The following CCR3 variants were observed in gnomAD, a reference collection of about 807,000 sequenced individuals.
CCR3 encodes C-C motif chemokine receptor 3, also known as C-C chemokine receptor type 3.
For synonymous variants in CCR3, 203 were observed against 179.2 expected (o/e 1.13, Z -1.06); for missense variants, 419 against 437.5 (o/e 0.96, Z 0.38).
intron 1 of CCR3, 74 bp from the exon 2 acceptor site, chr3:46,265,074 T>C (rs1700591498): frequency 1.0e-6 from 1 of 961,358 alleles, no homozygotes; most frequent in African/African-American, 1.6e-5. Flanking sequence ...AGTACATGAA[T>C]AAATCAACTG....
chr3:46,234,976 T>C (rs1344118438), intron 2 of CCR3, among the ~76,000 whole-genome samples: 1 of 152,194 alleles, frequency 6.6e-6, no homozygotes, highest in Admixed American at 6.5e-5. Flanking sequence ...ACTCCCTTTC[T>C]CCTGAAGGGA....
At position 46,265,695 on chromosome 3, in the gene CCR3, A is replaced by G; in HGVS notation, c.537A>G (p.Glu179=). The part of the protein sequence containing the change: ...FIFYETEELF[E]ETLCSALYPE... ...TCTATGAGACTGAAGAGTTGTTTGA[A>G]GAGACTCTTTGCAGTGCTCTTTACC... Residue 179 remains glutamate (E), a synonymous_variant, in exon 2 of 2, where the codon GAA becomes GAG. Transcript: ENST00000395940. The G allele has an allele frequency of 6.2e-7, 1 of 1,614,062 alleles. No homozygotes were observed. The highest frequency in any genetic ancestry group is 8.5e-7 in the Non-Finnish European group (1 of 1,180,006).
At position 46,230,276 on chromosome 3, in the gene CCR3, T is replaced by C. The variant is rs182078472; in HGVS notation, c.-67-12126T>C. Among the ~76,000 whole-genome samples the C allele has an allele frequency of 1.1e-3, 173 of 152,284 alleles. No individual in the cohort carries two copies. In the Middle Eastern group the frequency reaches 0.017, roughly 15 times the overall value. On this transcript the variant is annotated intron_variant, in intron 2 of 3. Coordinates refer to the CCR3 transcript ENST00000357422. ...GCAAGTTTTCTTCAGATTTTCTTTA[T>C]TAAAGAGAAGTGTAGAATTAAAGCA... is the stretch of plus-strand genomic sequence containing the variant.
chr3:46,262,360 G>C, intron 1 of CCR3, among the ~76,000 whole-genome samples: 1 of 152,188 alleles, frequency 6.6e-6, no homozygotes, highest in Admixed American at 6.5e-5. Context: ...AATTTTAGTT[G>C]ACCTCACTTT....
At chr3:46,252,153 T>A (rs1226242126) in intron 1 of CCR3, among the ~76,000 whole-genome samples, 1 of 149,974 alleles carries the variant, frequency 6.7e-6, no homozygotes, top group African/African-American at 2.4e-5. Flanking sequence ...TCAATAGCCA[T>A]GAGGCTAGTT....
At chr3:46,262,798 G>A (rs149808505) in intron 1 of CCR3, among the ~76,000 whole-genome samples, 13 of 152,252 alleles carry the variant, frequency 8.5e-5, no homozygotes, top group African/African-American at 1.4e-4. Context: ...GGGACCACAC[G>A]TATGCGCCAC....
chr3:46,233,917 G>A (rs1487649378), intron 2 of CCR3, among the ~76,000 whole-genome samples: 2 of 152,238 alleles, frequency 1.3e-5, no homozygotes, highest in African/African-American at 2.4e-5. Context: ...CTTTTGCCAA[G>A]TCCCTCATTG....
At chr3:46,241,898 C>T (rs886635728), upstream of CCR3, among the ~76,000 whole-genome samples, 3 of 151,968 alleles carry the variant, frequency 2.0e-5, no homozygotes, top group Non-Finnish European at 4.4e-5. Context: ...TTTAGGAGGC[C>T]GAGACTCGCA....
chr3:46,264,998 T>C, intron 1 of CCR3, 150 bp from the exon 2 acceptor site: 1 of 618,442 alleles, frequency 1.6e-6, no homozygotes, highest in Non-Finnish European at 2.9e-6. Flanking sequence ...CTGGCACCTC[T>C]GATATGCCTT....
chr3:46,262,834 T>C (rs187566123), intron 1 of CCR3, among the ~76,000 whole-genome samples: 73 of 152,270 alleles, frequency 4.8e-4, no homozygotes, highest in Middle Eastern at 6.8e-3. Flanking sequence ...TCTTATTTTT[T>C]TGTAGAGATA....
At chr3:46,257,308 G>A (rs767410161) in intron 1 of CCR3, among the ~76,000 whole-genome samples, 29 of 151,650 alleles carry the variant, frequency 1.9e-4, no homozygotes, top group Non-Finnish European at 3.7e-4. Context: ...TTAAAAGTCC[G>A]TTTATTGCTT....
intron 1 of CCR3, among the ~76,000 whole-genome samples, chr3:46,261,982 C>A (rs1218197004): frequency 6.6e-6 from 1 of 152,174 alleles, no homozygotes; most frequent in East Asian, 1.9e-4. Flanking sequence ...AGCGTTGGAA[C>A]CAGGTCACCC....
At chr3:46,211,424 A>T (rs1575481343) in intron 2 of CCR3, among the ~76,000 whole-genome samples, 1 of 151,264 alleles carries the variant, frequency 6.6e-6, no homozygotes, top group Non-Finnish European at 1.5e-5. Flanking sequence ...GTGTGTTATC[A>T]TGTTGCCTAG....
chr3:46,255,608 A>G (rs1700406487), intron 1 of CCR3, among the ~76,000 whole-genome samples: 3 of 152,090 alleles, frequency 2.0e-5, no homozygotes, highest in Admixed American at 6.6e-5. Context: ...TCATTCTTCT[A>G]CACATGGCTA....
At chr3:46,245,921 T>A (rs1700181095) in intron 1 of CCR3, among the ~76,000 whole-genome samples, 2 of 152,226 alleles carry the variant, frequency 1.3e-5, no homozygotes, top group Non-Finnish European at 2.9e-5. Flanking sequence ...TGTGTATATG[T>A]ACCACATTTT....
At position 46,219,898 on chromosome 3, in the gene CCR3, C is replaced by T. The variant is rs953095124; in HGVS notation, c.-68+8991C>T. Among the ~76,000 whole-genome samples the T allele has an allele frequency of 7.9e-5, 12 of 152,254 alleles. 1 individual carries two copies. In the East Asian group the frequency reaches 2.3e-3, roughly 29 times the overall value. On this transcript the variant is annotated intron_variant, in intron 2 of 3. Coordinates refer to the CCR3 transcript ENST00000357422. ...AAACCATGAAAAGTCTAGAAGATAA[C>T]ATCAGAAGAACTCTCCTAGACATTG...
chr3:46,261,544 A>C (rs1700525960), intron 1 of CCR3, among the ~76,000 whole-genome samples: 1 of 152,344 alleles, frequency 6.6e-6, no homozygotes, highest in Non-Finnish European at 1.5e-5. Flanking sequence ...GAGAAGAGAC[A>C]CAGTGGTTAT....
chr3:46,217,715 C>A (rs1316046427), intron 2 of CCR3, among the ~76,000 whole-genome samples: 1 of 151,966 alleles, frequency 6.6e-6, no homozygotes, highest in Non-Finnish European at 1.5e-5. Flanking sequence ...CCCAAATGAT[C>A]CTTGGGTTAA....
chr3:46,236,041 T>C (rs1700020700), intron 2 of CCR3, among the ~76,000 whole-genome samples: 1 of 152,226 alleles, frequency 6.6e-6, no homozygotes, highest in East Asian at 1.9e-4. Context: ...ATTTAATCTA[T>C]AATATTTATA....
Sources: gnomAD v4.1 joint callset for allele counts (sites outside exome capture counted in the v4.1 genomes callset) on GRCh38, gnomAD v4.1.1 for gene constraint, MANE v1.5 for transcripts, NCBI Gene and HGNC (gene_info 2026-07-23, HGNC 2026-07-21) for gene names.